The following CDYL variants were observed in gnomAD, a reference collection of about 807,000 sequenced individuals.
The protein encoded by CDYL is chromodomain Y-like protein.
In CDYL, 8 loss-of-function variants were observed where a neutral mutation model predicts 47.3. That is an observed-to-expected ratio of 0.17 (90% CI 0.10 to 0.31). The LOEUF (loss-of-function observed/expected upper bound fraction) is 0.31. Ranked by LOEUF, CDYL falls within the 10% of genes least tolerant of loss-of-function variation. The pLI is 1.00. For missense variants in CDYL, 471 were observed against 701.4 expected (o/e 0.67, Z 3.71); for synonymous variants, 266 against 265.0 (o/e 1.00, Z -0.04).
rs765772714 is a variant in CDYL at position 4,943,614 on chromosome 6, G to A, written c.1190G>A (p.Gly397Asp). 1 of 1,613,890 alleles carries A rather than the reference G, an allele frequency of 6.2e-7. No individual in the cohort carries two copies. ...GTAGCAGTCAATGGCCCAGCCATTG[G>A]TCTAGGAGCATCTATATTGCCTCTT... is the stretch of plus-strand genomic sequence containing the variant. ...IIVAVNGPAI[G>D]LGASILPLCD... Residue 397 changes from glycine (G) to aspartate (D), a missense_variant, in exon 5 of 7, where the codon GGT becomes GAT. Around this residue, in one of 3 missense-constraint regions of CDYL, gnomAD observed 103 missense variants for 277.1 expected, o/e 0.37. Coordinates refer to ENST00000397588, the MANE Select transcript of CDYL (RefSeq NM_004824.4).
intron 2 of CDYL, chr6:4,724,651 C>T (rs947327977): frequency 1.3e-5 from 2 of 152,404 alleles, no homozygotes; most frequent in African/African-American, 4.8e-5. Flanking sequence ...AAAAGTGAAG[C>T]TGCAGACCTT....
In CDYL at chr6:4,786,639, G is replaced by A. The variant is rs746304762; in HGVS notation, c.24+9832G>A. 3.9e-5 allele frequency among the ~76,000 whole-genome samples: 6 copies of A among 152,092 alleles called. 1 individual carries two copies. In the South Asian group the frequency reaches 8.3e-4, roughly 21 times the overall value. ...AAGGTGCACTAGTAGTTTTTATCTC[G>A]AGTCTCGCTGTTTATTCTCTGTACT... On this transcript the variant is annotated intron_variant, in intron 1 of 6. Coordinates refer to ENST00000397588, the MANE Select transcript of CDYL (RefSeq NM_004824.4).
chr6:4,870,298 T>C (rs1386323657), intron 1 of CDYL, among the ~76,000 whole-genome samples: 1 of 152,218 alleles, frequency 6.6e-6, no homozygotes, highest in East Asian at 1.9e-4. Context: ...TTGATTGTTT[T>C]CCCTTTGGTG....
At chr6:4,776,237 C>T (rs954906053), upstream of CDYL, among the ~76,000 whole-genome samples, 129 of 143,312 alleles carry the variant, frequency 9.0e-4, 1 homozygote, top group African/African-American at 3.1e-3. Context: ...CCCCGCCGGC[C>T]GCCCGCCTCG....
At chr6:4,934,792 T>C (rs1414545281) in intron 2 of CDYL, among the ~76,000 whole-genome samples, 1 of 152,086 alleles carries the variant, frequency 6.6e-6, no homozygotes, top group Non-Finnish European at 1.5e-5. Context: ...CAAGACCCCA[T>C]CTCAAGACCC....
intron 1 of CDYL, among the ~76,000 whole-genome samples, chr6:4,797,407 TTTTTC>T (rs758172250): frequency 1.1e-4 from 17 of 151,850 alleles, no homozygotes; most frequent in South Asian, 2.1e-4. Context: ...GAATTACATC[TTTTTC>T]TTTTCTTTTC....
At chr6:4,822,574 G>T (rs544344670) in intron 1 of CDYL, among the ~76,000 whole-genome samples, 1 of 152,196 alleles carries the variant, frequency 6.6e-6, no homozygotes, top group Admixed American at 6.5e-5. Context: ...GGCAATGAGG[G>T]TGGCTTGGGT....
At chr6:4,846,307 A>G (rs1760655718) in intron 1 of CDYL, among the ~76,000 whole-genome samples, 1 of 152,234 alleles carries the variant, frequency 6.6e-6, no homozygotes, top group South Asian at 2.1e-4. Flanking sequence ...GCAAATTACT[A>G]TTTACTATTA....
At chr6:4,784,831 G>A (rs1042776346) in intron 1 of CDYL, among the ~76,000 whole-genome samples, 1 of 152,154 alleles carries the variant, frequency 6.6e-6, no homozygotes, top group African/African-American at 2.4e-5. Context: ...GAATCGTGGG[G>A]TGGATCTTTC....
At position 4,717,729 on chromosome 6, in the gene CDYL, A is replaced by G. The variant is rs1279848141; in HGVS notation, c.103+1848A>G. Among the ~76,000 whole-genome samples the G allele has an allele frequency of 4.5e-4, 68 of 150,336 alleles. 1 individual carries two copies. Among genetic ancestry groups the G allele is most frequent in the African/African-American group, 1.4e-3 (58 of 41,038 alleles). On this transcript the variant is annotated intron_variant, in intron 2 of 8. Coordinates refer to the CDYL transcript ENST00000328908. ...AAAAAAAAAAAAAAAAAAAAAAAAA[A>G]AAAAAAAAAAATTAAAAATTGAAAG... is the stretch of plus-strand genomic sequence containing the variant.
Position 4,728,540 on chromosome 6 carries a change from C to T in CDYL, c.104-6222C>T, listed in dbSNP as rs1202862286. ...TGGAAAAGATGATGAAAGCCAGGCA[C>T]TGAGAAATCAGTTAATTAAACTCTT... On this transcript the variant is annotated intron_variant, in intron 2 of 8. Transcript: ENST00000328908. Among the ~76,000 whole-genome samples the T allele has an allele frequency of 2.0e-5, 3 of 152,200 alleles. No homozygotes were observed. In the East Asian group the frequency reaches 5.8e-4, roughly 29 times the overall value.
intron 1 of CDYL, among the ~76,000 whole-genome samples, chr6:4,797,871 A>G (rs1478589204): frequency 6.6e-6 from 1 of 152,178 alleles, no homozygotes; most frequent in Non-Finnish European, 1.5e-5. Context: ...TTTGTCTATT[A>G]TGAATATGAG....
chr6:4,777,060 A>G (rs932084914), intron 1 of CDYL, among the ~76,000 whole-genome samples: 1 of 143,834 alleles, frequency 7.0e-6, no homozygotes, highest in Admixed American at 6.8e-5. Context: ...AGTGGTGCTG[A>G]CACAAGTGAC....
At chr6:4,896,317 A>G (rs1431159306) in intron 2 of CDYL, among the ~76,000 whole-genome samples, 1 of 152,188 alleles carries the variant, frequency 6.6e-6, no homozygotes, top group Non-Finnish European at 1.5e-5. Context: ...CTGTGCAGAG[A>G]AGAGCTTTGT....
In CDYL at chr6:4,935,768, A is replaced by C; in HGVS notation, c.945A>C (p.Pro315=). The C allele has an allele frequency of 6.2e-7, 1 of 1,613,506 alleles. No homozygotes were observed. The highest frequency in any genetic ancestry group is 1.1e-5 in the South Asian group (1 of 91,088). Residue 315 remains proline, a synonymous_variant, in exon 3 of 7, where the codon CCA becomes CCC. Transcript: ENST00000397588. ...TKSSENNSLN[P]EVMREVQSAL... Reference sequence around the variant, plus strand: ...CCTCAGAGAATAACTCACTAAATCCAGAGGTGAGAGGCGCTCTTGGGCTGG... The same window carrying C: ...CCTCAGAGAATAACTCACTAAATCCCGAGGTGAGAGGCGCTCTTGGGCTGG...
intron 1 of CDYL, among the ~76,000 whole-genome samples, chr6:4,784,315 TG>T (rs1440970563): frequency 1.3e-5 from 2 of 152,198 alleles, no homozygotes; most frequent in East Asian, 3.9e-4. Context: ...TTCCTACAAT[TG>T]CTATATGGTA....
intron 2 of CDYL, among the ~76,000 whole-genome samples, chr6:4,916,253 C>T (rs1028669118): frequency 6.6e-6 from 1 of 152,190 alleles, no homozygotes; most frequent in African/African-American, 2.4e-5. Flanking sequence ...TTCTAGTCTA[C>T]AGAATGATTA....
intron 2 of CDYL, among the ~76,000 whole-genome samples, chr6:4,727,183 G>A (rs1287067484): frequency 1.3e-5 from 2 of 152,170 alleles, no homozygotes; most frequent in African/African-American, 4.8e-5. Flanking sequence ...TGGGGTGAAA[G>A]GAATAGGACA....
chr6:4,713,424 G>T (rs909132724), intron 1 of CDYL, among the ~76,000 whole-genome samples: 5 of 152,146 alleles, frequency 3.3e-5, no homozygotes, highest in Admixed American at 6.5e-5. Context: ...TCTGCTCTTT[G>T]TCAGGGCTCC....
Sources: gnomAD v4.1 joint callset for allele counts (sites outside exome capture counted in the v4.1 genomes callset) on GRCh38, gnomAD v4.1.1 for gene constraint, gnomAD v4.1.1 regional missense constraint, MANE v1.5 for transcripts, NCBI Gene and HGNC (gene_info 2026-07-23, HGNC 2026-07-21) for gene names.